The following SPATA18 variants were observed in gnomAD, a reference collection of about 807,000 sequenced individuals.
The protein encoded by SPATA18 is spermatogenesis associated 18, also known as mitochondria-eating protein.
A neutral mutation model predicts 68.1 loss-of-function variants in SPATA18; 54 were observed. The observed-to-expected ratio is 0.79, with a 90% CI of 0.64 to 0.99. The LOEUF (loss-of-function observed/expected upper bound fraction) is 0.99. SPATA18 is among the 50% of genes least tolerant of loss of function. SPATA18 has a pLI of 0.00. For synonymous variants in SPATA18, 242 were observed against 244.8 expected (o/e 0.99, Z 0.11); for missense variants, 724 against 681.1 (o/e 1.06, Z -0.70).
At chr4:52,078,519 T>G (rs1578184530) in intron 7 of SPATA18, 2 of 400,376 alleles carry the variant, frequency 5.0e-6, no homozygotes, top group East Asian at 7.5e-5. Flanking sequence ...AATAGTCAAC[T>G]GTCTTGATGT....
chr4:52,076,036 A>C (rs1363648548), intron 6 of SPATA18, among the ~76,000 whole-genome samples: 3 of 152,252 alleles, frequency 2.0e-5, no homozygotes, highest in Non-Finnish European at 4.4e-5. Context: ...AGGGACATGA[A>C]CTTGGATTGC....
At chr4:52,094,283 C>T (rs1742237569) in intron 11 of SPATA18, among the ~76,000 whole-genome samples, 1 of 152,144 alleles carries the variant, frequency 6.6e-6, no homozygotes, top group African/African-American at 2.4e-5. Context: ...CTGGAAAGCA[C>T]TGAATTCAGT....
intron 2 of SPATA18, 53 bp downstream of exon 2, chr4:52,060,577 C>G: frequency 6.5e-7 from 1 of 1,549,540 alleles, no homozygotes; most frequent in Non-Finnish European, 8.9e-7. Flanking sequence ...TCTCTCTTTT[C>G]TTGGTGCTTT....
intron 1 of SPATA18, among the ~76,000 whole-genome samples, chr4:52,053,613 A>T (rs566008266): frequency 1.8e-4 from 28 of 152,288 alleles, no homozygotes; most frequent in African/African-American, 6.5e-4. Flanking sequence ...GCTCAAAGTC[A>T]AATCTGTCCA....
chr4:52,092,306 G>A (rs1384818614), intron 11 of SPATA18, among the ~76,000 whole-genome samples: 3 of 152,064 alleles, frequency 2.0e-5, no homozygotes, highest in Non-Finnish European at 2.9e-5. Flanking sequence ...TGCCCAATTG[G>A]CTGCCCAGTT....
chr4:52,061,601 G>A (rs1046049866), intron 3 of SPATA18, among the ~76,000 whole-genome samples: 6 of 151,984 alleles, frequency 3.9e-5, no homozygotes, highest in South Asian at 2.1e-4. Context: ...GGAGATCACT[G>A]AGCAGAAAAC....
At chr4:52,053,637 C>T (rs942556007) in intron 1 of SPATA18, among the ~76,000 whole-genome samples, 3 of 152,110 alleles carry the variant, frequency 2.0e-5, no homozygotes, top group African/African-American at 7.2e-5. Flanking sequence ...TGGAATTTAG[C>T]CTCTCCCATG....
intron 11 of SPATA18, among the ~76,000 whole-genome samples, chr4:52,089,880 G>A (rs1374670394): frequency 6.6e-6 from 1 of 152,104 alleles, no homozygotes; most frequent in South Asian, 2.1e-4. Flanking sequence ...ATTGACAGTG[G>A]GGTGTTAAAG....
At chr4:52,081,216 G>T (rs1323672517) in intron 9 of SPATA18, among the ~76,000 whole-genome samples, 1 of 152,194 alleles carries the variant, frequency 6.6e-6, no homozygotes, top group Admixed American at 6.5e-5. Flanking sequence ...CTTCTGTAGG[G>T]CCTCTTGCTG....
chr4:52,072,216 G>A, intron 6 of SPATA18, 60 bp downstream of exon 6: 2 of 1,576,396 alleles, frequency 1.3e-6, no homozygotes, highest in Non-Finnish European at 1.7e-6. Context: ...TAAGGGATCG[G>A]GGAGGAGGAA....
At chr4:52,091,947 C>A (rs1214238682) in intron 11 of SPATA18, among the ~76,000 whole-genome samples, 2 of 152,212 alleles carry the variant, frequency 1.3e-5, no homozygotes, top group Non-Finnish European at 2.9e-5. Context: ...AGCAGCCTTG[C>A]TGAGCTGCAG....
chr4:52,094,023 G>C (rs1275312788), intron 11 of SPATA18, among the ~76,000 whole-genome samples: 1 of 152,172 alleles, frequency 6.6e-6, no homozygotes, highest in Non-Finnish European at 1.5e-5. Flanking sequence ...GTGTTTGAAA[G>C]CTCAGAGCAA....
intron 4 of SPATA18, among the ~76,000 whole-genome samples, chr4:52,066,805 T>C (rs1739357291): frequency 6.6e-6 from 1 of 152,196 alleles, no homozygotes; most frequent in Non-Finnish European, 1.5e-5. Context: ...GCTTCTAGCT[T>C]CATCCATCTC....
chr4:52,059,861 T>C (rs955130455), intron 1 of SPATA18, among the ~76,000 whole-genome samples: 1 of 152,228 alleles, frequency 6.6e-6, no homozygotes, highest in African/African-American at 2.4e-5. Context: ...GCAGGTAAAT[T>C]CGGCAGTCAT....
At chr4:52,074,811 T>C (rs1578177185) in intron 6 of SPATA18, among the ~76,000 whole-genome samples, 1 of 151,898 alleles carries the variant, frequency 6.6e-6, no homozygotes, top group African/African-American at 2.4e-5. Flanking sequence ...TACACGAAGG[T>C]GGAGATATTT....
chr4:52,071,858 C>A, intron 5 of SPATA18, 59 bp from the exon 6 acceptor site: 1 of 1,547,166 alleles, frequency 6.5e-7, no homozygotes, highest in Admixed American at 1.9e-5. Context: ...TTCCTTCCTT[C>A]CTTCACTCCC....
rs371488139 is a variant in SPATA18 at position 52,069,805 on chromosome 4, C to T, written c.423-16C>T. 1.7e-5 allele frequency: 26 copies of T among 1,540,918 alleles called. No homozygotes were observed. In the African/African-American group the frequency reaches 2.5e-4, roughly 15 times the overall value. ...ATTTTGAAAAATCTATCTTTAGTTA[C>T]TGATTTATCTTACAGTCTGGTTGAA... On this transcript the variant is annotated splice_polypyrimidine_tract_variant and intron_variant, in intron 4 of 12. Coordinates refer to ENST00000295213, the MANE Select transcript of SPATA18 (RefSeq NM_145263.4).
intron 10 of SPATA18, 136 bp from the exon 11 acceptor site, chr4:52,084,780 G>C (rs1578195665): frequency 3.9e-6 from 3 of 760,510 alleles, no homozygotes; most frequent in African/African-American, 1.7e-5. Flanking sequence ...AGTGTGGCTT[G>C]TGCAGATGAT....
chr4:52,087,276 T>A (rs1741520124), intron 11 of SPATA18, among the ~76,000 whole-genome samples: 2 of 152,236 alleles, frequency 1.3e-5, no homozygotes, highest in East Asian at 3.8e-4. Context: ...GTTTATTAGA[T>A]CCCATTTGTC....
Sources: allele counts gnomAD v4.1 joint callset (sites outside exome capture counted in the v4.1 genomes callset), GRCh38; gene constraint gnomAD v4.1.1; transcripts MANE v1.5; gene names NCBI Gene and HGNC (gene_info 2026-07-23, HGNC 2026-07-21).